WDPCP: variants seen among roughly 807,000 people sequenced by gnomAD.
The protein encoded by WDPCP is WD repeat containing planar cell polarity effector.
WDPCP carries 71 observed loss-of-function variants against 93.1 expected under a neutral mutation model. That is an observed-to-expected ratio of 0.76 (90% confidence interval 0.63 to 0.93). WDPCP has a LOEUF of 0.93. Among genes scored for constraint, WDPCP ranks in the 40% least tolerant of loss-of-function variants. The probability of loss-of-function intolerance (pLI) is 0.00; values close to 1 mark genes in which losing one functional copy is unlikely to be tolerated. For missense variants in WDPCP, 844 were observed against 887.4 expected, an observed-to-expected ratio of 0.95 and a Z score of 0.62; for synonymous variants, 315 against 315.0, an observed-to-expected ratio of 1.00 and a Z score of 0.00.
intron 15 of WDPCP, among the ~76,000 whole-genome samples, chr2:63,160,779 T>G (rs1672592642): frequency 6.6e-6 from 1 of 152,166 alleles, no homozygotes; most frequent in South Asian, 2.1e-4. Context: ...ATCAGTGATT[T>G]AAAAAACATC....
At chr2:63,779,592 G>C (rs1020996371) in intron 2 of WDPCP, among the ~76,000 whole-genome samples, 7 of 152,156 alleles carry the variant, frequency 4.6e-5, no homozygotes, top group Admixed American at 2.0e-4. Context: ...GGGGAGGGGT[G>C]CCCACACCTC....
intron 2 of WDPCP, among the ~76,000 whole-genome samples, chr2:63,804,680 C>T (rs978393305): frequency 1.1e-4 from 17 of 151,786 alleles, no homozygotes; most frequent in African/African-American, 4.1e-4. Context: ...ATCTCTCTTC[C>T]TACAACTCCC....
chr2:63,669,388 C>T (rs1173047253), intron 2 of WDPCP, among the ~76,000 whole-genome samples: 2 of 147,974 alleles, frequency 1.4e-5, no homozygotes, highest in African/African-American at 2.5e-5. Context: ...GAGACTAAGT[C>T]TCACTCTATC....
intron 13 of WDPCP, among the ~76,000 whole-genome samples, chr2:63,286,056 G>A (rs76262922): frequency 0.14 from 20,549 of 151,778 alleles, 1,928 homozygotes; most frequent in Non-Finnish European, 0.2. Context: ...CACCCAAGCT[G>A]AGGGGCAGTG....
chr2:63,598,878 G>C (rs1436132703), intron 3 of WDPCP, among the ~76,000 whole-genome samples: 1 of 143,878 alleles, frequency 7.0e-6, no homozygotes, highest in Non-Finnish European at 1.5e-5. Flanking sequence ...CTTGTCTACA[G>C]CTTGTCAAAA....
chr2:63,606,945 A>G (rs1271117230), intron 3 of WDPCP: 2 of 1,612,902 alleles, frequency 1.2e-6, no homozygotes, highest in Non-Finnish European at 1.7e-6. Context: ...AGGAACTGAC[A>G]GAAGAAAAAG....
At chr2:63,230,386 C>G (rs1259883082) in intron 14 of WDPCP, among the ~76,000 whole-genome samples, 2 of 152,102 alleles carry the variant, frequency 1.3e-5, no homozygotes, top group Non-Finnish European at 2.9e-5. Flanking sequence ...AATAGTGCCA[C>G]AATAAACATA....
At chr2:63,184,688 G>A (rs767713554) in intron 14 of WDPCP, among the ~76,000 whole-genome samples, 3 of 151,970 alleles carry the variant, frequency 2.0e-5, no homozygotes, top group Non-Finnish European at 2.9e-5. Context: ...ATGACTATAC[G>A]TTGTGGTGAA....
At chr2:63,724,943 T>C (rs1464933139) in intron 2 of WDPCP, among the ~76,000 whole-genome samples, 1 of 152,226 alleles carries the variant, frequency 6.6e-6, no homozygotes, top group Non-Finnish European at 1.5e-5. Flanking sequence ...GAAGAACTGC[T>C]TTCATATCCA....
intron 17 of WDPCP, among the ~76,000 whole-genome samples, chr2:63,139,364 G>A (rs1054785524): frequency 3.3e-5 from 5 of 152,168 alleles, no homozygotes; most frequent in Non-Finnish European, 5.9e-5. Flanking sequence ...GGATCAAATG[G>A]TAGTTCTACT....
intron 2 of WDPCP, among the ~76,000 whole-genome samples, chr2:63,667,051 G>T (rs1710292699): frequency 6.6e-6 from 1 of 152,138 alleles, no homozygotes; most frequent in South Asian, 2.1e-4. Context: ...TTAAAGTGGT[G>T]GTCCTCTATC....
At chr2:63,588,572 C>A, upstream of WDPCP, 1 of 550,796 alleles carries the variant, frequency 1.8e-6, no homozygotes, top group Admixed American at 3.1e-5. Flanking sequence ...CTTTACCTCC[C>A]ACGTTTACCC....
intron 2 of WDPCP, among the ~76,000 whole-genome samples, chr2:63,660,041 G>A (rs1710209046): frequency 6.6e-6 from 1 of 152,128 alleles, no homozygotes; most frequent in Non-Finnish European, 1.5e-5. Flanking sequence ...CACAGCCAAA[G>A]ATCCACTAAA....
At chr2:63,476,927 A>G (rs556829909) in intron 6 of WDPCP, among the ~76,000 whole-genome samples, 1 of 152,306 alleles carries the variant, frequency 6.6e-6, no homozygotes, top group East Asian at 1.9e-4. Context: ...AATTTACCAG[A>G]GGCATTTAAA....
At chr2:63,489,324 A>G (rs1482961939) in intron 2 of WDPCP, among the ~76,000 whole-genome samples, 1 of 152,162 alleles carries the variant, frequency 6.6e-6, no homozygotes, top group Non-Finnish European at 1.5e-5. Flanking sequence ...AATGAGATGT[A>G]CCAATGTAAA....
intron 1 of WDPCP, among the ~76,000 whole-genome samples, chr2:63,577,080 C>A (rs772847452): frequency 7.2e-5 from 11 of 152,168 alleles, no homozygotes; most frequent in Non-Finnish European, 1.3e-4. Context: ...AAGTTCTAGT[C>A]AATATGGTAA....
At chr2:63,543,184 G>A (rs1704873065) in intron 1 of WDPCP, among the ~76,000 whole-genome samples, 4 of 152,078 alleles carry the variant, frequency 2.6e-5, no homozygotes, top group Admixed American at 2.6e-4. Flanking sequence ...CTACATTAGT[G>A]AAGTACAAAA....
chr2:63,622,832 C>T (rs942237109), intron 3 of WDPCP: 18 of 1,606,940 alleles, frequency 1.1e-5, no homozygotes, highest in Non-Finnish European at 1.4e-5. Flanking sequence ...ACTTAACCAT[C>T]GTCCTGGCCG....
At position 63,243,754 on chromosome 2, in the gene WDPCP, A is replaced by G. The variant is rs573565959; in HGVS notation, c.1915+15553T>C. 1.0e-3 allele frequency among the ~76,000 whole-genome samples: 157 copies of G among 152,226 alleles called. 1 individual carries two copies. Among genetic ancestry groups the G allele is most frequent in the Non-Finnish European group, 1.7e-3 (117 of 68,000 alleles). On this transcript the variant is annotated intron_variant, in intron 14 of 17. Coordinates refer to ENST00000272321, the MANE Select transcript of WDPCP (RefSeq NM_015910.7). ...AAAAGACTAAGACAGCTGTACAATA[A>G]TAATGGGGGACTTCGGGGGCTTCAA...
Sources: allele counts gnomAD v4.1 joint callset (sites outside exome capture counted in the v4.1 genomes callset), GRCh38; gene constraint gnomAD v4.1.1; transcripts MANE v1.5; gene names NCBI Gene and HGNC (gene_info 2026-07-23, HGNC 2026-07-21).